The following DNAH5 variants were observed in gnomAD, a reference collection of about 807,000 sequenced individuals.
The protein encoded by DNAH5 is dynein axonemal heavy chain 5, also known as axonemal beta dynein heavy chain 5.
DNAH5 carries 372 observed loss-of-function variants against 518.2 expected under a neutral mutation model. That is an observed-to-expected ratio of 0.72 (90% CI 0.66 to 0.78). The LOEUF (loss-of-function observed/expected upper bound fraction) is 0.78. Ranked by LOEUF, DNAH5 falls within the 30% of genes least tolerant of loss-of-function variation. The pLI, the probability that DNAH5 is intolerant of heterozygous loss-of-function variation, is 0.00. For missense variants in DNAH5, 5,523 were observed against 5,687.0 expected, an observed-to-expected ratio of 0.97 and a Z score of 0.93; for synonymous variants, 2,039 against 2,025.9, an observed-to-expected ratio of 1.01 and a Z score of -0.17.
At chr5:13,739,395 C>T (rs749614770) in intron 65 of DNAH5, among the ~76,000 whole-genome samples, 1 of 152,106 alleles carries the variant, frequency 6.6e-6, no homozygotes. Context: ...TGTCTTGCCA[C>T]CCTGTGAAGA....
At chr5:13,917,764 C>T (rs781421047) in intron 7 of DNAH5, among the ~76,000 whole-genome samples, 7 of 152,194 alleles carry the variant, frequency 4.6e-5, no homozygotes, top group Admixed American at 1.3e-4. Context: ...TTATTTAGCA[C>T]GTCAGTACAT....
chr5:13,876,630 C>T (rs747461221), intron 22 of DNAH5, 54 bp downstream of exon 22: 142 of 1,598,856 alleles, frequency 8.9e-5, no homozygotes, highest in Middle Eastern at 3.3e-4. Context: ...TTCACTTTCA[C>T]ACAAGTGCAT....
chr5:13,964,493 C>A (rs754694054), intron 1 of DNAH5, among the ~76,000 whole-genome samples: 4 of 152,224 alleles, frequency 2.6e-5, no homozygotes, highest in Admixed American at 6.5e-5. Context: ...CCAAGAGGGG[C>A]TAGAGGCAGA....
At chr5:13,851,426 GC>G (rs1362630518) in intron 30 of DNAH5, among the ~76,000 whole-genome samples, 3 of 152,068 alleles carry the variant, frequency 2.0e-5, no homozygotes, top group African/African-American at 7.2e-5. Context: ...TCCTACCTCA[GC>G]CTCTCCAGCA....
chr5:13,859,830 G>A (rs1228349744), intron 29 of DNAH5, among the ~76,000 whole-genome samples: 1 of 152,086 alleles, frequency 6.6e-6, no homozygotes, highest in Non-Finnish European at 1.5e-5. Flanking sequence ...AAGGGTGGGA[G>A]ATTTATAATC....
Position 13,824,320 on chromosome 5 carries a change from A to C in DNAH5, c.6458T>G (p.Phe2153Cys). ...EQLSKQVHYD[F>C]GLRNILSVLR... ...AACTGACAGAATGTTACGCAGGCCA[A>C]AGTCATAATGAACCTAGAGAATGTG... Residue 2153 changes from phenylalanine to cysteine, a missense_variant, in exon 39 of 79, where the codon TTT (phenylalanine) becomes TGT (cysteine). By Grantham distance (205) the Phe-to-Cys change is radical (BLOSUM62 -2). Coordinates refer to ENST00000265104, the MANE Select transcript of DNAH5 (RefSeq NM_001369.3). 6.2e-7 allele frequency: 1 copy of C among 1,614,132 alleles called. No individual in the cohort carries two copies. Among genetic ancestry groups the C allele is most frequent in the Non-Finnish European group, 8.5e-7 (1 of 1,179,990 alleles).
At chr5:13,718,786 CT>C in intron 72 of DNAH5, 95 bp downstream of exon 72, 1 of 1,029,618 alleles carries the variant, frequency 9.7e-7, no homozygotes, top group Non-Finnish European at 1.5e-6. Context: ...GTACTATTTG[CT>C]ATAACTGTAT....
chr5:13,786,265 T>C lies in DNAH5; in HGVS notation c.8734A>G (p.Met2912Val), dbSNP rs1755986279. The part of the protein sequence containing the change: ...SFSHLKERLN[M>V]FLQLYNESIR... ...CTCTCATTATAGAGCTGCAGGAACA[T>C]ATTCAGACGCTCTTTTAGGTGACTA... is the stretch of plus-strand genomic sequence containing the variant. Residue 2912 changes from methionine (M) to valine (V), a missense_variant, in exon 52 of 79, where the codon ATG (methionine) becomes GTG (valine). Met to Val is a conservative substitution (Grantham distance 21). Transcript: ENST00000265104. The C allele has an allele frequency of 6.2e-7, 1 of 1,614,090 alleles. No homozygotes were observed. Among genetic ancestry groups the C allele is most frequent in the Non-Finnish European group, 8.5e-7 (1 of 1,180,004 alleles).
intron 59 of DNAH5, among the ~76,000 whole-genome samples, chr5:13,763,226 A>AT (rs138467168): frequency 0.032 from 4,882 of 152,310 alleles, 100 homozygotes; most frequent in Non-Finnish European, 0.038. Context: ...AGCAATAAAG[A>AT]TTTTTTGTCA....
In DNAH5 at chr5:13,700,677, C is replaced by G. The variant is rs766044681; in HGVS notation, c.13686G>C (p.Glu4562Asp). 1.2e-6 allele frequency: 2 copies of G among 1,614,186 alleles called. No individual in the cohort carries two copies. The highest frequency in any genetic ancestry group is 2.2e-5 in the East Asian group (1 of 44,878). The change falls in exon 78 of 79, where the codon GAG becomes GAC. Residue 4562 changes from glutamate to aspartate, a missense_variant. Glu to Asp is a conservative substitution (Grantham distance 45). This residue lies in a region of DNAH5 where 387 missense variants were observed against 430.0 expected (regional missense o/e 0.90). Transcript: ENST00000265104. ...LIESKPKVLF[E>D]LMPVIRIYAE... ...CATAAATCCTTATGACAGGCATCAA[C>G]TCAAAGAGCACTTTTGGCTTTGATT... is the stretch of plus-strand genomic sequence containing the variant.
chr5:13,808,857 G>C (rs1580355132), intron 46 of DNAH5, among the ~76,000 whole-genome samples, 187 bp downstream of exon 46: 1 of 152,152 alleles, frequency 6.6e-6, no homozygotes, highest in Non-Finnish European at 1.5e-5. Context: ...CTACTCAGGA[G>C]GCTGAGGCAG....
intron 60 of DNAH5, among the ~76,000 whole-genome samples, chr5:13,762,318 G>C (rs186413743): frequency 2.6e-5 from 4 of 152,024 alleles, no homozygotes; most frequent in Admixed American, 2.6e-4. Flanking sequence ...CTTTCAGCAT[G>C]TTCTGTCTTG....
chr5:13,771,115 T>A, intron 55 of DNAH5, 135 bp from the exon 56 acceptor site: 2 of 755,000 alleles, frequency 2.6e-6, no homozygotes, highest in South Asian at 3.5e-5. Context: ...GGTAGATCTG[T>A]GTCAGCATTT....
rs1768606292 is a variant in DNAH5, at chr5:13,862,580, G to A, written c.4764C>T (p.Ser1588=). 6.2e-7 allele frequency: 1 copy of A among 1,613,874 alleles called. No individual in the cohort carries two copies. Among genetic ancestry groups the A allele is most frequent in the Non-Finnish European group, 8.5e-7 (1 of 1,179,950 alleles). Residue 1588 remains serine, a synonymous_variant, in exon 29 of 79, where the codon AGC becomes AGT. Transcript: ENST00000265104. The part of the protein sequence containing the change: ...TSEIIANMED[S]LMLLGSLLSN... ...TCAGTAGGGATCCCAGCAACATCAA[G>A]CTGTCCTCCATGTTGGCGATGATTT... is the stretch of plus-strand genomic sequence containing the variant.
chr5:13,792,955 G>A (rs150334912), intron 49 of DNAH5, among the ~76,000 whole-genome samples: 1,700 of 152,176 alleles, frequency 0.011, 15 homozygotes, highest in Middle Eastern at 0.027. Context: ...TCATTACTCG[G>A]GTAGGCATAT....
Position 13,740,046 on chromosome 5 carries a change from C to A in DNAH5, c.11212-2551G>T, listed in dbSNP as rs188440179. Among the ~76,000 whole-genome samples the A allele has an allele frequency of 3.3e-5, 5 of 152,204 alleles. No homozygotes were observed. In the East Asian group the frequency reaches 9.7e-4, roughly 29 times the overall value. The stretch of plus-strand genomic sequence containing the variant: ...ATGCTCAACCTCACCCTTCCACAGC[C>A]CAGCAAATGGCAACACTATTCTTCT... On this transcript the variant is annotated intron_variant, in intron 65 of 78. Transcript: ENST00000265104.
At chr5:13,974,669 T>C (rs1404992396) in intron 1 of DNAH5, among the ~76,000 whole-genome samples, 2 of 152,310 alleles carry the variant, frequency 1.3e-5, no homozygotes, top group East Asian at 3.9e-4. Context: ...GGTGCCTGCA[T>C]GACACCCTTT....
intron 29 of DNAH5, among the ~76,000 whole-genome samples, chr5:13,861,429 T>C (rs1768399626): frequency 6.6e-6 from 1 of 152,214 alleles, no homozygotes; most frequent in Non-Finnish European, 1.5e-5. Flanking sequence ...GATACACATA[T>C]ATATGGAGAA....
At chr5:13,712,500 T>C (rs1294372127) in intron 75 of DNAH5, among the ~76,000 whole-genome samples, 4 of 152,112 alleles carry the variant, frequency 2.6e-5, no homozygotes, top group East Asian at 1.9e-4. Flanking sequence ...AGCCTTTGCA[T>C]GGCAAAAGGA....
Sources: gnomAD v4.1 joint callset for allele counts (sites outside exome capture counted in the v4.1 genomes callset) on GRCh38, gnomAD v4.1.1 for gene constraint, gnomAD v4.1.1 regional missense constraint, MANE v1.5 for transcripts, NCBI Gene and HGNC (gene_info 2026-07-23, HGNC 2026-07-21) for gene names.